OR56A3: variants seen among roughly 807,000 people sequenced by gnomAD.
The protein encoded by OR56A3 is olfactory receptor family 56 subfamily A member 3.
In OR56A3, 23 loss-of-function variants were observed where a neutral mutation model predicts 17.5. The observed-to-expected ratio is 1.32, with a 90% CI of 0.95 to 1.87. The LOEUF is 1.87. Among genes scored for constraint, OR56A3 ranks in the 40% most tolerant of loss-of-function variants. The pLI is 0.00. For synonymous variants in OR56A3, 175 were observed against 150.6 expected (o/e 1.16, Z -1.19); for missense variants, 366 against 380.1 (o/e 0.96, Z 0.31).
At chr11:5,943,502 G>C (rs946187228) in intron 1 of OR56A3, 1 of 115,656 alleles carries the variant, frequency 8.6e-6, no homozygotes, top group Non-Finnish European at 1.8e-5. Context: ...ATTTGGGGCT[G>C]TGATTTTCTT....
chr11:5,994,245 T>A, the OR56A3 span: 1 of 560,458 alleles, frequency 1.8e-6, no homozygotes, highest in African/African-American at 1.9e-5. Flanking sequence ...AGTCCAGGTC[T>A]ATCTCCAAAG....
chr11:5,971,618 T>C, the OR56A3 span, among the ~76,000 whole-genome samples: 4 of 152,232 alleles, frequency 2.6e-5, no homozygotes, highest in Non-Finnish European at 5.9e-5. Flanking sequence ...AGCGGTTAGA[T>C]ACCTGAACAT....
Position 5,947,514 on chromosome 11 carries a change from G to A in OR56A3, c.168G>A (p.Glu56=), listed in dbSNP as rs1400507219. ...CCCTCCTGATGACCATCTGGCTGGA[G>A]GCCTCTCTGCACCAGCCCCTGTACT... is the stretch of plus-strand genomic sequence containing the variant. ...NTTLLMTIWL[E]ASLHQPLYYL... The change falls in exon 3 of 3, where the codon GAG becomes GAA. Residue 56 remains glutamate, a synonymous_variant. Transcript: ENST00000641160. The A allele has an allele frequency of 3.1e-6, 5 of 1,613,946 alleles. No individual in the cohort carries two copies. Among genetic ancestry groups the A allele is most frequent in the South Asian group, 2.2e-5 (2 of 91,062 alleles).
At chr11:5,963,521 C>T in the OR56A3 span, among the ~76,000 whole-genome samples, 1 of 151,848 alleles carries the variant, frequency 6.6e-6, no homozygotes, top group African/African-American at 2.4e-5. Context: ...ATATATCATT[C>T]TACTTTCTCC....
the OR56A3 span, chr11:6,000,168 G>A: frequency 6.6e-6 from 1 of 152,212 alleles, no homozygotes; most frequent in Non-Finnish European, 1.5e-5. Flanking sequence ...GCACATGTAT[G>A]TTTATTGCGG....
chr11:5,973,904 C>CT, the OR56A3 span, among the ~76,000 whole-genome samples: 52 of 152,160 alleles, frequency 3.4e-4, no homozygotes, highest in Non-Finnish European at 1.0e-4. Flanking sequence ...CTGCTAGTGG[C>CT]TGCTTCTTTG....
In OR56A3 at chr11:5,948,336, T is replaced by C. The variant is rs1016464171; in HGVS notation, c.*42T>C. On this transcript the variant is annotated 3_prime_UTR_variant, in exon 3 of 3. Transcript: ENST00000641160. ...TCTGAATATCTAAAATAAGATAATT[T>C]ATTAATCACTTAATGAGTGAGTGGG... is the stretch of plus-strand genomic sequence containing the variant. The C allele has an allele frequency of 6.6e-6, 9 of 1,373,774 alleles. No individual in the cohort carries two copies. In the South Asian group the frequency reaches 7.6e-5, roughly 12 times the overall value. The allele number at this position is 1,373,774 out of a possible 1,614,324, so 85.1% of individuals were successfully genotyped here. A position where few individuals can be genotyped will look rare whatever the true frequency, so the allele number is the denominator to read the frequency against.
the OR56A3 span, among the ~76,000 whole-genome samples, chr11:6,015,884 T>C: frequency 6.6e-6 from 1 of 152,178 alleles, no homozygotes; most frequent in Non-Finnish European, 1.5e-5. Flanking sequence ...CAAGCTAATG[T>C]TGGAATGAGT....
At chr11:6,018,012 C>G in the OR56A3 span, among the ~76,000 whole-genome samples, 1 of 136,560 alleles carries the variant, frequency 7.3e-6, no homozygotes, top group African/African-American at 2.8e-5. Context: ...ATTCAGCAAG[C>G]AAATATAACA....
At chr11:6,000,622 A>T in the OR56A3 span, 1 of 152,332 alleles carries the variant, frequency 6.6e-6, no homozygotes, top group East Asian at 1.9e-4. Context: ...ATAAAAAAAT[A>T]AAAAATAAAA....
At position 5,947,297 on chromosome 11, in the gene OR56A3, T is replaced by C; in HGVS notation, c.-36-14T>C. 3.4e-6 allele frequency: 5 copies of C among 1,468,756 alleles called. No homozygotes were observed. Among genetic ancestry groups the C allele is most frequent in the Non-Finnish European group, 4.6e-6 (5 of 1,084,152 alleles). 91.0% of individuals were successfully genotyped at this position (1,468,756 alleles called of 1,614,324 possible). A position where few individuals can be genotyped will look rare whatever the true frequency, so the allele number is the denominator to read the frequency against. On this transcript the variant is annotated splice_polypyrimidine_tract_variant and intron_variant, in intron 2 of 2. Coordinates refer to ENST00000641160, the MANE Select transcript of OR56A3 (RefSeq NM_001003443.3). Reference sequence around the variant, plus strand: ...TCAAGAATCCACAGCTAGTTTGTAATCATAATTTTCCAGATCACTGAAAGA... The same window carrying C: ...TCAAGAATCCACAGCTAGTTTGTAACCATAATTTTCCAGATCACTGAAAGA...
At chr11:5,978,584 G>GT in the OR56A3 span, among the ~76,000 whole-genome samples, 3 of 151,886 alleles carry the variant, frequency 2.0e-5, no homozygotes, top group Admixed American at 6.6e-5. Flanking sequence ...ATTTGCTGAA[G>GT]TTTTTTTTAA....
At chr11:5,966,840 T>C in the OR56A3 span, among the ~76,000 whole-genome samples, 1 of 150,200 alleles carries the variant, frequency 6.7e-6, no homozygotes, top group Non-Finnish European at 1.5e-5. Flanking sequence ...TAGTATGAAG[T>C]CAGAAGTTGG....
the OR56A3 span, among the ~76,000 whole-genome samples, chr11:6,015,625 C>A: frequency 6.6e-6 from 1 of 152,208 alleles, no homozygotes; most frequent in Non-Finnish European, 1.5e-5. Context: ...CCTTGGGAGC[C>A]CACCTCTTGC....
downstream of OR56A3, among the ~76,000 whole-genome samples, chr11:5,954,963 C>G (rs1039032062): frequency 6.6e-6 from 1 of 152,124 alleles, no homozygotes; most frequent in Admixed American, 6.6e-5. Context: ...TCCAAAGATA[C>G]AAAGGGGTAC....
chr11:5,989,329 T>C, the OR56A3 span, among the ~76,000 whole-genome samples: 4 of 152,194 alleles, frequency 2.6e-5, no homozygotes, highest in Admixed American at 1.3e-4. Context: ...ACTCAAGACT[T>C]GAATAGTAGC....
chr11:5,994,419 C>T, the OR56A3 span: 144 of 728,758 alleles, frequency 2.0e-4, no homozygotes, highest in Middle Eastern at 7.6e-4. Flanking sequence ...CTGATGTCTG[C>T]CATGATCTTG....
intron 2 of OR56A3, among the ~76,000 whole-genome samples, chr11:5,946,413 G>A (rs765440004): frequency 6.6e-6 from 1 of 152,166 alleles, no homozygotes; most frequent in Admixed American, 6.5e-5. Flanking sequence ...TAAATGATAA[G>A]GGAATAATGG....
rs551792619 is a variant in OR56A3, at chr11:5,948,088, C to T, written c.742C>T (p.His248Tyr). ...AAAGGCCCTAAGCACATGTGGCTCCCACTTCATGCTCATCCTCTTCTTCAG... is the reference window on the plus strand; with the variant it reads ...AAAGGCCCTAAGCACATGTGGCTCCTACTTCATGCTCATCCTCTTCTTCAG... ...VAKALSTCGSHFMLILFFSTI... is the reference protein window; with the variant it reads ...VAKALSTCGSYFMLILFFSTI... Residue 248 changes from histidine to tyrosine, a missense_variant, in exon 3 of 3, where the codon CAC (histidine) becomes TAC (tyrosine). By Grantham distance (83) the His-to-Tyr change is moderately conservative. Transcript: ENST00000641160. 1.2e-6 allele frequency: 2 copies of T among 1,614,224 alleles called. No individual in the cohort carries two copies. The highest frequency in any genetic ancestry group is 1.7e-6 in the Non-Finnish European group (2 of 1,180,044).
Sources: allele counts gnomAD v4.1 joint callset (sites outside exome capture counted in the v4.1 genomes callset), GRCh38; gene constraint gnomAD v4.1.1; transcripts MANE v1.5; gene names NCBI Gene and HGNC (gene_info 2026-07-23, HGNC 2026-07-21).